CD109: variants seen among roughly 807,000 people sequenced by gnomAD.
CD109 encodes the protein CD109 molecule.
In CD109, 149 loss-of-function variants were observed where a neutral mutation model predicts 165.8. That is an observed-to-expected ratio of 0.90 (90% confidence interval 0.79 to 1.03). The LOEUF (loss-of-function observed/expected upper bound fraction) is 1.03. Among genes scored for constraint, CD109 ranks in the 50% least tolerant of loss-of-function variants. The probability of loss-of-function intolerance (pLI) is 0.00; values close to 1 mark genes in which losing one functional copy is unlikely to be tolerated. For synonymous variants in CD109, 585 were observed against 592.1 expected (o/e 0.99, Z 0.18); for missense variants, 1,712 against 1,677.8 (o/e 1.02, Z -0.36).
chr6:73,786,620 C>A (rs1774703059), intron 20 of CD109, among the ~76,000 whole-genome samples: 1 of 151,806 alleles, frequency 6.6e-6, no homozygotes, highest in South Asian at 2.1e-4. Context: ...AATTATTACA[C>A]CCACAAAAGA....
chr6:73,782,800 G>A (rs781272645), intron 18 of CD109, 45 bp downstream of exon 18: 13 of 1,591,008 alleles, frequency 8.2e-6, no homozygotes, highest in Non-Finnish European at 9.4e-6. Context: ...TTTGTTTAGT[G>A]TTTGTTTTAA....
intron 14 of CD109, among the ~76,000 whole-genome samples, chr6:73,771,192 C>G (rs1053184846): frequency 3.9e-5 from 6 of 152,164 alleles, no homozygotes; most frequent in African/African-American, 1.4e-4. Flanking sequence ...AAAAAAGATA[C>G]AGAATTAAAG....
chr6:73,813,673 C>G lies in CD109; in HGVS notation c.3769-1308C>G, dbSNP rs1475542267. Among the ~76,000 whole-genome samples the G allele has an allele frequency of 2.0e-5, 3 of 152,128 alleles. No individual in the cohort carries two copies. In the East Asian group the frequency reaches 5.8e-4, roughly 29 times the overall value. On this transcript the variant is annotated intron_variant, in intron 29 of 32. Coordinates refer to ENST00000287097, the MANE Select transcript of CD109 (RefSeq NM_133493.5). The stretch of plus-strand genomic sequence containing the variant: ...CTCATGAGTTTGCAGTAAATATTAC[C>G]CTCTTTTGGGTAATAAAATACTAAA...
intron 23 of CD109, among the ~76,000 whole-genome samples, chr6:73,800,487 A>G (rs147548639): frequency 1.6e-4 from 25 of 152,320 alleles, no homozygotes; most frequent in Non-Finnish European, 3.2e-4. Flanking sequence ...TTACTGGGTC[A>G]GAGGGTAAAG....
the CD109 span, among the ~76,000 whole-genome samples, chr6:73,687,387 CCTCT>C: frequency 1.3e-5 from 2 of 150,254 alleles, no homozygotes; most frequent in Non-Finnish European, 3.0e-5. Context: ...TTCTCTTTCT[CCTCT>C]CTCTCCTTCC....
At chr6:73,692,844 C>T (rs1207950737), upstream of CD109, among the ~76,000 whole-genome samples, 1 of 152,176 alleles carries the variant, frequency 6.6e-6, no homozygotes, top group Non-Finnish European at 1.5e-5. Flanking sequence ...CTTGACTTTG[C>T]TCCACATTCG....
intron 2 of CD109, among the ~76,000 whole-genome samples, chr6:73,717,387 T>G (rs919332427): frequency 6.6e-6 from 1 of 152,128 alleles, no homozygotes; most frequent in Non-Finnish European, 1.5e-5. Flanking sequence ...TTTAACAATA[T>G]TGATAATTTC....
At chr6:73,777,144 G>A (rs1278219711) in intron 15 of CD109, among the ~76,000 whole-genome samples, 2 of 151,464 alleles carry the variant, frequency 1.3e-5, no homozygotes, top group African/African-American at 4.9e-5. Context: ...TTTTAGTAGA[G>A]ATGGGGTTTC....
At chr6:73,714,169 GT>G (rs1223547751) in intron 2 of CD109, among the ~76,000 whole-genome samples, 1 of 152,202 alleles carries the variant, frequency 6.6e-6, no homozygotes, top group East Asian at 1.9e-4. Flanking sequence ...TGGATGCTGT[GT>G]TTTAGGGCCC....
Position 73,827,698 on chromosome 6 carries a change from A to G in CD109, c.*4065A>G, listed in dbSNP as rs749842918. 6.6e-6 allele frequency: 1 copy of G among 152,184 alleles called. No homozygotes were observed. Among genetic ancestry groups the G allele is most frequent in the African/African-American group, 2.4e-5 (1 of 41,454 alleles). The allele number at this position is 152,184 out of a possible 1,614,324, so 9.4% of individuals were successfully genotyped here. Reference sequence around the variant, plus strand: ...ATGTCTCATCAAAAGACAATACCACATTGCATCATTTTACAAAATATGTTG... The same window carrying G: ...ATGTCTCATCAAAAGACAATACCACGTTGCATCATTTTACAAAATATGTTG... On this transcript the variant is annotated 3_prime_UTR_variant, in exon 33 of 33. Transcript: ENST00000287097.
chr6:73,758,421 TG>T (rs1446286415), intron 6 of CD109, among the ~76,000 whole-genome samples: 2 of 152,214 alleles, frequency 1.3e-5, no homozygotes, highest in Non-Finnish European at 2.9e-5. Context: ...AGTCTCACTG[TG>T]TCACTCAGGC....
At position 73,828,206 on chromosome 6, in the gene CD109, G is replaced by A. The variant is rs1361474031; in HGVS notation, c.*4573G>A. 6.5e-6 allele frequency: 1 copy of A among 154,734 alleles called. No homozygotes were observed. The highest frequency in any genetic ancestry group is 1.5e-5 in the Non-Finnish European group (1 of 68,192). The allele number at this position is 154,734 out of a possible 1,614,324, so 9.6% of individuals were successfully genotyped here. On this transcript the variant is annotated 3_prime_UTR_variant, in exon 33 of 33. Transcript: ENST00000287097. ...TTTATATATTGATCAAGGTGATTCT[G>A]AAAGTTTTAATTTTTAATGTTGTAA...
At chr6:73,800,046 G>T (rs1300676618) in intron 23 of CD109, among the ~76,000 whole-genome samples, 1 of 151,870 alleles carries the variant, frequency 6.6e-6, no homozygotes, top group African/African-American at 2.4e-5. Context: ...TGTAGAGACA[G>T]GCTTTTGTCA....
intron 23 of CD109, among the ~76,000 whole-genome samples, chr6:73,798,750 A>G (rs1434233885): frequency 6.6e-6 from 1 of 152,136 alleles, no homozygotes; most frequent in Non-Finnish European, 1.5e-5. Flanking sequence ...GTTGGAGGTC[A>G]GCCACCTGAG....
chr6:73,760,509 T>G (rs1773579671), intron 7 of CD109, among the ~76,000 whole-genome samples: 1 of 145,386 alleles, frequency 6.9e-6, no homozygotes, highest in Admixed American at 7.0e-5. Context: ...GAGGATAAAA[T>G]TAATACATAG....
At chr6:73,700,371 C>G (rs991835085) in intron 2 of CD109, among the ~76,000 whole-genome samples, 3 of 151,872 alleles carry the variant, frequency 2.0e-5, no homozygotes, top group African/African-American at 7.3e-5. Flanking sequence ...TGGGTATGAG[C>G]CTGATTGTTT....
chr6:73,771,320 C>A, intron 14 of CD109, 109 bp from the exon 15 acceptor site: 1 of 832,114 alleles, frequency 1.2e-6, no homozygotes, highest in Non-Finnish European at 1.9e-6. Context: ...TATCCCTGAG[C>A]CAAGGCAAAT....
intron 23 of CD109, among the ~76,000 whole-genome samples, chr6:73,799,801 C>T (rs766650572): frequency 6.6e-6 from 1 of 151,836 alleles, no homozygotes; most frequent in Non-Finnish European, 1.5e-5. Flanking sequence ...TATCTTTTCT[C>T]TCTCTCCTTT....
At chr6:73,757,317 G>A (rs1773435826) in intron 6 of CD109, among the ~76,000 whole-genome samples, 1 of 152,122 alleles carries the variant, frequency 6.6e-6, no homozygotes, top group Non-Finnish European at 1.5e-5. Context: ...AATACCTCAG[G>A]CTCTGTGGGC....
Sources: gnomAD v4.1 joint callset for allele counts (sites outside exome capture counted in the v4.1 genomes callset) on GRCh38, gnomAD v4.1.1 for gene constraint, MANE v1.5 for transcripts, NCBI Gene and HGNC (gene_info 2026-07-23, HGNC 2026-07-21) for gene names.